The following SPTLC3 variants were observed in gnomAD, a reference collection of about 807,000 sequenced individuals.
SPTLC3 encodes serine palmitoyltransferase 3.
SPTLC3 carries 36 observed loss-of-function variants against 59.3 expected under a neutral mutation model. The ratio of observed to expected loss-of-function variants is 0.61; its 90% CI spans 0.47 to 0.80. The LOEUF (loss-of-function observed/expected upper bound fraction) is 0.80. SPTLC3 is among the 30% of genes least tolerant of loss of function. The pLI is 0.00. For missense variants in SPTLC3, 625 were observed against 685.1 expected (o/e 0.91, Z 0.98); for synonymous variants, 257 against 240.8 (o/e 1.07, Z -0.62).
At chr20:13,148,198 T>C (rs1190406802) in intron 9 of SPTLC3, among the ~76,000 whole-genome samples, 2 of 152,232 alleles carry the variant, frequency 1.3e-5, no homozygotes, top group African/African-American at 4.8e-5. Flanking sequence ...ATTAGGCAAC[T>C]GCAAAGCTTT....
At chr20:13,093,623 A>G in intron 6 of SPTLC3, 46 bp downstream of exon 6, 1 of 1,544,284 alleles carries the variant, frequency 6.5e-7, no homozygotes, top group Non-Finnish European at 8.9e-7. Flanking sequence ...TTGCTCCTAG[A>G]AGAAAGTAAA....
chr20:13,110,320 A>G (rs1289208181), intron 7 of SPTLC3, 103 bp downstream of exon 7: 3 of 960,200 alleles, frequency 3.1e-6, no homozygotes, highest in Non-Finnish European at 4.7e-6. Context: ...ATGACTTAGA[A>G]TTGGTTATAT....
At chr20:13,119,669 A>G (rs969532455) in intron 8 of SPTLC3, among the ~76,000 whole-genome samples, 3 of 151,894 alleles carry the variant, frequency 2.0e-5, no homozygotes, top group Non-Finnish European at 2.9e-5. Context: ...TCTTCCCTTC[A>G]TGTTACACTG....
intron 11 of SPTLC3, 150 bp downstream of exon 11, chr20:13,160,282 C>T: frequency 1.1e-6 from 1 of 910,310 alleles, no homozygotes; most frequent in East Asian, 2.8e-5. Flanking sequence ...AAAACAAGAG[C>T]TCGTCAACAA....
Position 13,055,947 on chromosome 20 carries a change from G to T in SPTLC3, c.303+6817G>T, listed in dbSNP as rs571307380. Among the ~76,000 whole-genome samples the T allele has an allele frequency of 2.0e-5, 3 of 152,236 alleles. No individual in the cohort carries two copies. In the East Asian group the frequency reaches 5.8e-4, roughly 29 times the overall value. ...GAGTCATCTGAGCTGAGGGAAGGGG[G>T]CTAGATCTTTTTACTCCTGCATTGA... On this transcript the variant is annotated intron_variant, in intron 2 of 11. Transcript: ENST00000399002.
chr20:13,014,894 TG>T (rs1206869055), intron 1 of SPTLC3, among the ~76,000 whole-genome samples: 14 of 152,132 alleles, frequency 9.2e-5, no homozygotes, highest in Non-Finnish European at 4.4e-5. Flanking sequence ...CACACTCCTA[TG>T]GCAGAGAAAG....
At chr20:13,161,256 T>C (rs780726124) in intron 11 of SPTLC3, among the ~76,000 whole-genome samples, 2 of 152,144 alleles carry the variant, frequency 1.3e-5, no homozygotes, top group Non-Finnish European at 2.9e-5. Flanking sequence ...AGATAAGGTA[T>C]ACAGTAAGGA....
At chr20:13,137,282 A>G (rs981316232) in intron 9 of SPTLC3, among the ~76,000 whole-genome samples, 1 of 152,154 alleles carries the variant, frequency 6.6e-6, no homozygotes, top group African/African-American at 2.4e-5. Flanking sequence ...TCTGTGGGGA[A>G]GTTGTTGCCT....
intron 2 of SPTLC3, among the ~76,000 whole-genome samples, chr20:13,056,443 C>T (rs1354026272): frequency 3.0e-5 from 4 of 135,526 alleles, no homozygotes; most frequent in Admixed American, 1.8e-4. Context: ...TAGACTGACG[C>T]TTTAACTTTT....
At chr20:13,038,608 A>T (rs991493710) in intron 1 of SPTLC3, among the ~76,000 whole-genome samples, 2 of 151,912 alleles carry the variant, frequency 1.3e-5, no homozygotes, top group African/African-American at 4.8e-5. Flanking sequence ...AATTTTGTTG[A>T]TTTATTTGAA....
chr20:13,135,641 G>A (rs776028277), intron 9 of SPTLC3, among the ~76,000 whole-genome samples: 1 of 152,154 alleles, frequency 6.6e-6, no homozygotes, highest in African/African-American at 2.4e-5. Flanking sequence ...AGATCTAAAC[G>A]TTTAAATATT....
intron 9 of SPTLC3, among the ~76,000 whole-genome samples, chr20:13,136,377 A>G (rs1313781574): frequency 6.6e-6 from 1 of 152,062 alleles, no homozygotes; most frequent in Non-Finnish European, 1.5e-5. Flanking sequence ...CAGGTGGATC[A>G]CCCGAGCTCA....
chr20:13,030,355 TAA>T (rs1290410566), intron 1 of SPTLC3, among the ~76,000 whole-genome samples: 1 of 152,200 alleles, frequency 6.6e-6, no homozygotes, highest in Admixed American at 6.5e-5. Flanking sequence ...ACCACGAATA[TAA>T]AAGAGATTTT....
rs553678753 is a variant in SPTLC3, at chr20:13,061,724, T to C, written c.304-10532T>C. Reference sequence around the variant, plus strand: ...GTTGTATGTTCCAAATACACTGTATTTGTTATCAGACTACTTCTTACCACC... The same window carrying C: ...GTTGTATGTTCCAAATACACTGTATCTGTTATCAGACTACTTCTTACCACC... On this transcript the variant is annotated intron_variant, in intron 2 of 11. Transcript: ENST00000399002. Among the ~76,000 whole-genome samples the C allele has an allele frequency of 2.3e-4, 35 of 151,354 alleles. 1 individual carries two copies. In the East Asian group the frequency reaches 4.8e-3, roughly 21 times the overall value.
intron 4 of SPTLC3, among the ~76,000 whole-genome samples, chr20:13,090,209 G>A (rs1186800186): frequency 2.6e-5 from 4 of 152,174 alleles, no homozygotes. Flanking sequence ...ATTGTAAAGA[G>A]ATAAAAACTA....
chr20:13,072,645 G>A (rs898189398), intron 3 of SPTLC3, among the ~76,000 whole-genome samples: 4 of 152,188 alleles, frequency 2.6e-5, no homozygotes, highest in Non-Finnish European at 5.9e-5. Context: ...GTCAGAAGGT[G>A]CAGGACACAC....
chr20:13,023,096 A>G (rs953100622), intron 1 of SPTLC3, among the ~76,000 whole-genome samples: 2 of 151,710 alleles, frequency 1.3e-5, no homozygotes, highest in Non-Finnish European at 2.9e-5. Flanking sequence ...CCCTTTACCC[A>G]GACATCCACA....
chr20:13,117,472 T>G, intron 7 of SPTLC3, 34 bp from the exon 8 acceptor site: 1 of 1,530,308 alleles, frequency 6.5e-7, no homozygotes, highest in South Asian at 1.3e-5. Flanking sequence ...AGGAGGGTAT[T>G]TGTTAGTTAT....
At chr20:13,027,616 G>A (rs1357253062) in intron 1 of SPTLC3, among the ~76,000 whole-genome samples, 21 of 148,216 alleles carry the variant, frequency 1.4e-4, no homozygotes. Context: ...CAGAGCCTCT[G>A]TTCTTCAGTA....
Sources: allele counts gnomAD v4.1 joint callset (sites outside exome capture counted in the v4.1 genomes callset), GRCh38; gene constraint gnomAD v4.1.1; transcripts MANE v1.5; gene names NCBI Gene and HGNC (gene_info 2026-07-23, HGNC 2026-07-21).